The following SESN3 variants were observed in gnomAD, a reference collection of about 807,000 sequenced individuals.
The protein encoded by SESN3 is sestrin-3.
A neutral mutation model predicts 55.3 loss-of-function variants in SESN3; 21 were observed. That is an observed-to-expected ratio of 0.38 (90% CI 0.27 to 0.55). The LOEUF is 0.55. Ranked by LOEUF, SESN3 falls within the 20% of genes least tolerant of loss-of-function variation. The probability of loss-of-function intolerance (pLI) is 0.76; values close to 1 mark genes in which losing one functional copy is unlikely to be tolerated. For synonymous variants in SESN3, 181 were observed against 203.1 expected, an observed-to-expected ratio of 0.89 and a Z score of 0.93; for missense variants, 408 against 604.3, an observed-to-expected ratio of 0.68 and a Z score of 3.41.
At chr11:95,182,800 C>T (rs1304634697) in intron 6 of SESN3, among the ~76,000 whole-genome samples, 1 of 152,158 alleles carries the variant, frequency 6.6e-6, no homozygotes. Context: ...TACGTCCTAA[C>T]AACACAGAAC....
intron 1 of SESN3, among the ~76,000 whole-genome samples, chr11:95,204,489 C>T (rs1051696268): frequency 6.6e-6 from 1 of 151,790 alleles, no homozygotes; most frequent in African/African-American, 2.4e-5. Context: ...TGTCCCCCCC[C>T]TCAAAATTCG....
chr11:95,173,753 T>C (rs1344997912), intron 9 of SESN3, among the ~76,000 whole-genome samples: 1 of 152,084 alleles, frequency 6.6e-6, no homozygotes, highest in Non-Finnish European at 1.5e-5. Flanking sequence ...TTTTTCCTAG[T>C]ATTTACTTAA....
chr11:95,173,093 C>T lies in SESN3; in HGVS notation c.*162G>A. On this transcript the variant is annotated 3_prime_UTR_variant, in exon 10 of 10. Transcript: ENST00000536441. ...AAGCATCAAGGAAAATAAAACACAT[C>T]ATTGCACATTACAGCCGCAAAAAAC... The T allele has an allele frequency of 2.1e-6, 1 of 480,184 alleles. No individual in the cohort carries two copies. Among genetic ancestry groups the T allele is most frequent in the South Asian group, 4.3e-5 (1 of 23,384 alleles). 29.7% of individuals were successfully genotyped at this position (480,184 alleles called of 1,614,324 possible).
In SESN3 at chr11:95,168,437, T is replaced by A. The variant is rs942144665; in HGVS notation, c.*4818A>T. 3.3e-5 allele frequency: 5 copies of A among 152,196 alleles called. No individual in the cohort carries two copies. The highest frequency in any genetic ancestry group is 3.3e-4 in the Admixed American group (5 of 15,268). The allele number at this position is 152,196 out of a possible 1,614,324, so 9.4% of individuals were successfully genotyped here. A position where few individuals can be genotyped will look rare whatever the true frequency, so the allele number is the denominator to read the frequency against. ...ATGTATAAATATAAAGTTTCCTACT[T>A]TGATAGAAGGCAAAAATCTTTTATG... On this transcript the variant is annotated 3_prime_UTR_variant, in exon 10 of 10. Transcript: ENST00000536441.
chr11:95,191,554 T>A lies in SESN3; in HGVS notation c.192A>T (p.Glu64Asp). The A allele has an allele frequency of 6.2e-7, 1 of 1,612,934 alleles. No individual in the cohort carries two copies. Among genetic ancestry groups the A allele is most frequent in the African/African-American group, 1.3e-5 (1 of 74,952 alleles). The change falls in exon 3 of 10, where the codon GAA becomes GAT. Residue 64 changes from glutamate to aspartate, a missense_variant. Physicochemically the swap from Glu to Asp is conservative, Grantham distance 45. Around this residue, in one of 4 missense-constraint regions of SESN3, gnomAD observed 107 missense variants for 211.3 expected, o/e 0.51. Transcript: ENST00000536441. Reference protein sequence around the residue: ...TVDERTNFLVEEYSTSGRLDN... With the variant: ...TVDERTNFLVDEYSTSGRLDN... ...CCAGACGACCGGATGTAGAGTATTC[T>A]TCCACAAGAAAGTTAGTACGTTCAT...
intron 7 of SESN3, 51 bp from the exon 8 acceptor site, chr11:95,177,960 T>C (rs781420469): frequency 8.3e-7 from 1 of 1,207,630 alleles, no homozygotes; most frequent in Non-Finnish European, 1.2e-6. Flanking sequence ...TCCATCTAAA[T>C]TCTATGTATT....
chr11:95,184,623 C>T (rs780367674), intron 5 of SESN3, 29 bp from the exon 6 acceptor site: 3 of 1,594,194 alleles, frequency 1.9e-6, no homozygotes, highest in South Asian at 1.1e-5. Flanking sequence ...ATGTTGGGTG[C>T]TATTCATACT....
intron 1 of SESN3, among the ~76,000 whole-genome samples, chr11:95,207,678 T>C (rs568364676): frequency 2.6e-5 from 4 of 151,726 alleles, no homozygotes; most frequent in Admixed American, 2.0e-4. Flanking sequence ...TCTGGATTTT[T>C]GGTAAAATGT....
rs1343022957 is a variant in SESN3 at position 95,172,246 on chromosome 11, C to CAA, written c.*1007_*1008dup. 6.6e-6 allele frequency: 1 copy of CAA among 151,780 alleles called. No homozygotes were observed. The highest frequency in any genetic ancestry group is 2.4e-5 in the African/African-American group (1 of 41,286). The allele number at this position is 151,780 out of a possible 1,614,324, so 9.4% of individuals were successfully genotyped here. A position where few individuals can be genotyped will look rare whatever the true frequency, so the allele number is the denominator to read the frequency against. ...TAAACTGTCTAACCTATTATAAGAACAAAAGTCATGGAAAATAATTTCTAA... is the reference window on the plus strand; with the variant it reads ...TAAACTGTCTAACCTATTATAAGAACAAAAAAGTCATGGAAAATAATTTCTAA... On this transcript the variant is annotated 3_prime_UTR_variant, in exon 10 of 10. Coordinates refer to ENST00000536441, the MANE Select transcript of SESN3 (RefSeq NM_144665.4).
chr11:95,208,099 T>A (rs918495855), intron 1 of SESN3, among the ~76,000 whole-genome samples: 32 of 151,390 alleles, frequency 2.1e-4, no homozygotes, highest in African/African-American at 6.5e-4. Context: ...CTTAGTTTTT[T>A]AAAAAAAATG....
Position 95,184,500 on chromosome 11 carries a change from A to T in SESN3, c.857T>A (p.Met286Lys). 6.2e-7 allele frequency: 1 copy of T among 1,613,642 alleles called. No homozygotes were observed. The highest frequency in any genetic ancestry group is 8.5e-7 in the Non-Finnish European group (1 of 1,179,732). ...CTTCTCCTTTTCAAAACGAGTGCTC[A>T]TTTCTTCTTGAGACGCCTCTTCATC... ...REDEEASQEE[M>K]STRFEKEKKE... is the part of the protein sequence containing the mutation. The change falls in exon 6 of 10, where the codon ATG (methionine) becomes AAG (lysine). Residue 286 changes from methionine (M) to lysine (K), a missense_variant. Transcript: ENST00000536441.
chr11:95,202,689 GGAGA>G (rs929528458), intron 1 of SESN3, among the ~76,000 whole-genome samples: 1 of 151,980 alleles, frequency 6.6e-6, no homozygotes, highest in Non-Finnish European at 1.5e-5. Flanking sequence ...AAGAAAATGA[GGAGA>G]GAACTATAAA....
intron 1 of SESN3, among the ~76,000 whole-genome samples, chr11:95,211,068 A>G (rs1751569008): frequency 6.6e-6 from 1 of 152,272 alleles, no homozygotes; most frequent in South Asian, 2.1e-4. Flanking sequence ...AAAGAATAAT[A>G]AATATCCCAG....
At chr11:95,192,814 G>T (rs1386333147) in intron 2 of SESN3, among the ~76,000 whole-genome samples, 1 of 152,078 alleles carries the variant, frequency 6.6e-6, no homozygotes, top group African/African-American at 2.4e-5. Flanking sequence ...GACCAAGACA[G>T]TTAAAAATAT....
At chr11:95,180,861 A>C (rs1469494175) in intron 6 of SESN3, among the ~76,000 whole-genome samples, 1 of 152,116 alleles carries the variant, frequency 6.6e-6, no homozygotes. Flanking sequence ...AGGTCAACAG[A>C]AACACTTTTA....
intron 1 of SESN3, among the ~76,000 whole-genome samples, chr11:95,216,848 C>G (rs1860767419): frequency 6.6e-6 from 1 of 151,790 alleles, no homozygotes; most frequent in Non-Finnish European, 1.5e-5. Flanking sequence ...TGGCTCACAC[C>G]TGTAATCCCA....
chr11:95,207,111 T>A (rs954178650), intron 1 of SESN3, among the ~76,000 whole-genome samples: 4 of 152,106 alleles, frequency 2.6e-5, no homozygotes, highest in Admixed American at 6.6e-5. Flanking sequence ...TGAAAGGACA[T>A]CTGTGAACAC....
At chr11:95,199,278 T>C (rs1860419585) in intron 1 of SESN3, among the ~76,000 whole-genome samples, 1 of 152,116 alleles carries the variant, frequency 6.6e-6, no homozygotes, top group African/African-American at 2.4e-5. Context: ...GTCACTTGTA[T>C]GTGCTCTAAG....
intron 1 of SESN3, among the ~76,000 whole-genome samples, chr11:95,195,889 G>A (rs1424757907): frequency 6.6e-6 from 1 of 152,124 alleles, no homozygotes; most frequent in Non-Finnish European, 1.5e-5. Context: ...AATTTCAAAA[G>A]TAAAAAGCAG....
Sources: gnomAD v4.1 joint callset for allele counts (sites outside exome capture counted in the v4.1 genomes callset) on GRCh38, gnomAD v4.1.1 for gene constraint, gnomAD v4.1.1 regional missense constraint, MANE v1.5 for transcripts, NCBI Gene and HGNC (gene_info 2026-07-23, HGNC 2026-07-21) for gene names.